The following VLDLR variants were observed in gnomAD, a reference collection of about 807,000 sequenced individuals.
VLDLR encodes very low-density lipoprotein receptor.
In VLDLR, 81 loss-of-function variants were observed where a neutral mutation model predicts 112.7. The observed-to-expected ratio is 0.72, with a 90% CI of 0.60 to 0.86. The LOEUF is 0.86. VLDLR is among the 40% of genes least tolerant of loss of function. VLDLR has a pLI of 0.00. For synonymous variants in VLDLR, 436 were observed against 384.8 expected, an observed-to-expected ratio of 1.13 and a Z score of -1.56; for missense variants, 1,237 against 1,099.4, an observed-to-expected ratio of 1.13 and a Z score of -1.77.
intron 1 of VLDLR, among the ~76,000 whole-genome samples, chr9:2,633,639 G>A (rs939404108): frequency 2.0e-5 from 3 of 151,988 alleles, no homozygotes; most frequent in African/African-American, 7.3e-5. Context: ...GAGGCTTTCA[G>A]TCTTTACTGT....
chr9:2,627,112 G>A (rs1395408120), intron 1 of VLDLR, among the ~76,000 whole-genome samples: 1 of 152,164 alleles, frequency 6.6e-6, no homozygotes, highest in Non-Finnish European at 1.5e-5. Flanking sequence ...AATCAAAGCA[G>A]GAAACAGCCA....
rs1818158277 is a variant in VLDLR, at chr9:2,648,207, G to T, written c.1823-1G>T. 6.2e-7 allele frequency: 1 copy of T among 1,614,086 alleles called. No individual in the cohort carries two copies. The highest frequency in any genetic ancestry group is 8.5e-7 in the Non-Finnish European group (1 of 1,179,996). ...GTAATGACAATTCTTTTCCTACCTA[G>T]ACCTTATAAAAAGTCGCCTCTATTG... is the stretch of plus-strand genomic sequence containing the variant. On this transcript the variant is annotated splice_acceptor_variant, in intron 12 of 18. Coordinates refer to ENST00000382100, the MANE Select transcript of VLDLR (RefSeq NM_003383.5). LOFTEE classifies it high-confidence loss of function.
chr9:2,650,269 C>G, intron 14 of VLDLR, 101 bp from the exon 15 acceptor site: 1 of 1,478,512 alleles, frequency 6.8e-7, no homozygotes, highest in Non-Finnish European at 9.3e-7. Flanking sequence ...CAAGTTTAAG[C>G]TCTTGGGGGC....
In VLDLR at chr9:2,646,545, C is replaced by G. The variant is rs199595432; in HGVS notation, c.1696C>G (p.Leu566Val). The G allele has an allele frequency of 6.2e-7, 1 of 1,614,112 alleles. No homozygotes were observed. Among genetic ancestry groups the G allele is most frequent in the African/African-American group, 1.3e-5 (1 of 75,040 alleles). The change falls in exon 11 of 19, where the codon CTG (leucine) becomes GTG (valine). Residue 566 changes from leucine (L) to valine (V), a missense_variant. By Grantham distance (32) the Leu-to-Val change is conservative. Transcript: ENST00000382100. ...REPASIAVDP[L>V]SGFVYWSDWG... ...GCCTGCCTCCATAGCTGTGGACCCA[C>G]TGTCTGGGTTTGTAGTCTGTTTTCC...
chr9:2,640,491 T>C (rs1331969611), intron 3 of VLDLR, among the ~76,000 whole-genome samples: 1 of 152,224 alleles, frequency 6.6e-6, no homozygotes, highest in African/African-American at 2.4e-5. Flanking sequence ...TCTTACAGCA[T>C]ATTCTTAAAT....
Position 2,647,587 on chromosome 9 carries a change from C to T in VLDLR, c.1817C>T (p.Thr606Ile), listed in dbSNP as rs1818132592. The change falls in exon 12 of 19, where the codon ACA becomes ATA. Residue 606 changes from threonine (T) to isoleucine (I), a missense_variant. By Grantham distance (89) the Thr-to-Ile change is moderately conservative (BLOSUM62 -1). Transcript: ENST00000382100. ...TADIQWPNGI[T>I]LDLIKSRLYW... ...GATATCCAGTGGCCTAACGGAATTA[C>T]ACTTGGTATGTATGTTCTTCCTTCT... The T allele has an allele frequency of 3.7e-6, 6 of 1,612,622 alleles. No homozygotes were observed. Among genetic ancestry groups the T allele is most frequent in the Non-Finnish European group, 5.1e-6 (6 of 1,178,620 alleles).
intron 1 of VLDLR, among the ~76,000 whole-genome samples, chr9:2,623,052 C>T (rs925820765): frequency 6.6e-6 from 1 of 152,244 alleles, no homozygotes; most frequent in Non-Finnish European, 1.5e-5. Flanking sequence ...AGTTTGCTGA[C>T]CCTCCTTCCC....
rs1818393965 is a variant in VLDLR at position 2,652,453 on chromosome 9, C to T, written c.2417-327C>T. The stretch of plus-strand genomic sequence containing the variant: ...AAAACCTTTGTCCTAAATGAAGAGA[C>T]CCAAGCTTAGCTAACACGCCAGGAC... On this transcript the variant is annotated intron_variant, in intron 17 of 18. Transcript: ENST00000382100. 2.0e-5 allele frequency among the ~76,000 whole-genome samples: 3 copies of T among 152,154 alleles called. No homozygotes were observed. In the South Asian group the frequency reaches 6.2e-4, roughly 32 times the overall value.
At position 2,659,256 on chromosome 9, in the gene VLDLR, G is replaced by C. The variant is rs1818717244; in HGVS notation, c.*5388G>C. On this transcript the variant is annotated 3_prime_UTR_variant, in exon 19 of 19. Transcript: ENST00000382100. ...TGCTTACTGCCGTCTTCTCTTAGAA[G>C]GGGATGCAGTACTGTACAAAGATTG... 1.3e-5 allele frequency: 2 copies of C among 152,214 alleles called. No individual in the cohort carries two copies. The highest frequency in any genetic ancestry group is 1.3e-4 in the Admixed American group (2 of 15,280). 9.4% of individuals were successfully genotyped at this position (152,214 alleles called of 1,614,324 possible).
At chr9:2,634,390 G>A (rs940233047) in intron 1 of VLDLR, among the ~76,000 whole-genome samples, 110 of 152,308 alleles carry the variant, frequency 7.2e-4, no homozygotes, top group African/African-American at 2.4e-3. Context: ...AGTAATCTGC[G>A]TGAACTATAT....
In VLDLR at chr9:2,658,671, G is replaced by C. The variant is rs527756726; in HGVS notation, c.*4803G>C. 3 of 152,298 alleles carry C rather than the reference G, an allele frequency of 2.0e-5. No individual in the cohort carries two copies. In the East Asian group the frequency reaches 5.8e-4, roughly 29 times the overall value. The allele number at this position is 152,298 out of a possible 1,614,324, so 9.4% of individuals were successfully genotyped here. A position where few individuals can be genotyped will look rare whatever the true frequency, so the allele number is the denominator to read the frequency against. On this transcript the variant is annotated 3_prime_UTR_variant, in exon 19 of 19. Transcript: ENST00000382100. The stretch of plus-strand genomic sequence containing the variant: ...CTCACTGTGACAAGGTAAGATTTAA[G>C]TGAGATGCACACAAAAAGCTCAGCA...
At chr9:2,632,043 C>T (rs1817371484) in intron 1 of VLDLR, among the ~76,000 whole-genome samples, 1 of 152,060 alleles carries the variant, frequency 6.6e-6, no homozygotes, top group Non-Finnish European at 1.5e-5. Context: ...TTTGACGCTC[C>T]AGGAATTCAT....
chr9:2,646,547 G>C lies in VLDLR; in HGVS notation c.1698G>C (p.Leu566=), dbSNP rs376311214. ...CTGCCTCCATAGCTGTGGACCCACT[G>C]TCTGGGTTTGTAGTCTGTTTTCCAT... ...REPASIAVDP[L]SGFVYWSDWG... is the part of the protein sequence containing the mutation. Residue 566 remains leucine (L), a synonymous_variant, in exon 11 of 19, where the codon CTG becomes CTC. Coordinates refer to ENST00000382100, the MANE Select transcript of VLDLR (RefSeq NM_003383.5). 9.3e-6 allele frequency: 15 copies of C among 1,613,948 alleles called. No individual in the cohort carries two copies. Among genetic ancestry groups the C allele is most frequent in the Middle Eastern group, 1.6e-4 (1 of 6,072 alleles).
Position 2,658,714 on chromosome 9 carries a change from T to A in VLDLR, c.*4846T>A, listed in dbSNP as rs1028374844. 3.3e-5 allele frequency: 5 copies of A among 152,152 alleles called. No homozygotes were observed. The highest frequency in any genetic ancestry group is 9.7e-5 in the African/African-American group (4 of 41,422). The allele number at this position is 152,152 out of a possible 1,614,324, so 9.4% of individuals were successfully genotyped here. A position where few individuals can be genotyped will look rare whatever the true frequency, so the allele number is the denominator to read the frequency against. ...GCTCAGCACAGTGTCTGGCATCTAA[T>A]ATGTGCAGGGCAGATGTCACTACTG... is the stretch of plus-strand genomic sequence containing the variant. On this transcript the variant is annotated 3_prime_UTR_variant, in exon 19 of 19. Transcript: ENST00000382100.
intron 2 of VLDLR, among the ~76,000 whole-genome samples, chr9:2,637,950 TAAATA>T (rs980050564): frequency 2.8e-5 from 4 of 144,686 alleles, no homozygotes; most frequent in African/African-American, 5.8e-5. Flanking sequence ...CTCAAAAAAA[TAAATA>T]AAAATAAATA....
Position 2,654,045 on chromosome 9 carries a change from C to A in VLDLR, c.*177C>A, listed in dbSNP as rs984685497. 7 of 634,104 alleles carry A rather than the reference C, an allele frequency of 1.1e-5. No homozygotes were observed. Among genetic ancestry groups the A allele is most frequent in the Non-Finnish European group, 1.9e-5 (7 of 361,134 alleles). The allele number at this position is 634,104 out of a possible 1,614,324, so 39.3% of individuals were successfully genotyped here. Reference sequence around the variant, plus strand: ...TTTTTATATTACTTTTGTAAATATTCTTGTCCACATTCTACTTCAGCTTTG... The same window carrying A: ...TTTTTATATTACTTTTGTAAATATTATTGTCCACATTCTACTTCAGCTTTG... On this transcript the variant is annotated 3_prime_UTR_variant, in exon 19 of 19. Transcript: ENST00000382100.
At chr9:2,622,532 C>A (rs968381062) in intron 1 of VLDLR, among the ~76,000 whole-genome samples, 1 of 152,238 alleles carries the variant, frequency 6.6e-6, no homozygotes, top group South Asian at 2.1e-4. Flanking sequence ...TCCGCCTCCC[C>A]CAGAGCCGCT....
intron 13 of VLDLR, 77 bp downstream of exon 13, chr9:2,648,424 G>A: frequency 1.9e-6 from 3 of 1,602,116 alleles, no homozygotes; most frequent in Non-Finnish European, 2.6e-6. Flanking sequence ...GACATAGCGG[G>A]AGGAGGGAAG....
At chr9:2,633,591 A>C (rs1817464604) in intron 1 of VLDLR, among the ~76,000 whole-genome samples, 1 of 152,160 alleles carries the variant, frequency 6.6e-6, no homozygotes, top group African/African-American at 2.4e-5. Context: ...ATTTTGACTT[A>C]ATAACCTTTG....
Sources: gnomAD v4.1 joint callset for allele counts (sites outside exome capture counted in the v4.1 genomes callset) on GRCh38, gnomAD v4.1.1 for gene constraint, MANE v1.5 for transcripts, NCBI Gene and HGNC (gene_info 2026-07-23, HGNC 2026-07-21) for gene names.